Variants in SYNJ1 observed in about 807,000 individuals in gnomAD.
SYNJ1 encodes the protein synaptojanin 1, also known as polyphosphatidylinositol phosphatase SYNJ1.
A neutral mutation model predicts 168.2 loss-of-function variants in SYNJ1; 78 were observed. The observed-to-expected ratio is 0.46, with a 90% confidence interval of 0.39 to 0.56. SYNJ1 has a LOEUF of 0.56. Ranked by LOEUF, SYNJ1 falls within the 20% of genes least tolerant of loss-of-function variation. The pLI is 0.00. For missense variants in SYNJ1, 1,303 were observed against 1,597.6 expected (o/e 0.82, Z 3.14); for synonymous variants, 539 against 548.6 (o/e 0.98, Z 0.24).
rs1282955984 is a variant in SYNJ1, at chr21:32,664,959, G to A, written c.2258C>T (p.Ser753Phe). 1 of 1,613,326 alleles carries A rather than the reference G, an allele frequency of 6.2e-7. No individual in the cohort carries two copies. The highest frequency in any genetic ancestry group is 8.5e-7 in the Non-Finnish European group (1 of 1,179,554). ...GATAAGTTGATCTCCTGCTATAAGAGAATCCCAATTTTGCTGTCTTATGAG... is the reference window on the plus strand; with the variant it reads ...GATAAGTTGATCTCCTGCTATAAGAAAATCCCAATTTTGCTGTCTTATGAG... ...KELIRQQNWD[S>F]LIAGDQLINQ... Residue 753 changes from serine (S) to phenylalanine (F), a missense_variant, in exon 18 of 33, where the codon TCT (serine) becomes TTT (phenylalanine). Ser to Phe is a radical substitution (Grantham distance 155). Coordinates refer to ENST00000674351, the MANE Select transcript of SYNJ1 (RefSeq NM_203446.3).
rs576755016 is a variant in SYNJ1 at position 32,710,132 on chromosome 21, T to C, written c.125-8085A>G. Among the ~76,000 whole-genome samples the C allele has an allele frequency of 2.6e-4, 40 of 151,948 alleles. 1 individual carries two copies. In the South Asian group the frequency reaches 8.3e-3, roughly 32 times the overall value. ...GCATAAAAGCTCGAACCCAGGAGGT[T>C]GAGGTTGCAGTGAGCCGAGATTACA... On this transcript the variant is annotated intron_variant, in intron 2 of 32. Coordinates refer to ENST00000674351, the MANE Select transcript of SYNJ1 (RefSeq NM_203446.3).
intron 2 of SYNJ1, among the ~76,000 whole-genome samples, chr21:32,720,552 T>TG (rs2043184318): frequency 6.6e-6 from 1 of 152,204 alleles, no homozygotes; most frequent in Non-Finnish European, 1.5e-5. Context: ...AAGGACAACT[T>TG]GGAGGAAAAC....
intron 2 of SYNJ1, among the ~76,000 whole-genome samples, chr21:32,715,090 A>G (rs974777813): frequency 2.0e-5 from 3 of 152,268 alleles, no homozygotes; most frequent in Non-Finnish European, 4.4e-5. Flanking sequence ...ATATATTCCC[A>G]ATGCTAACCA....
At chr21:32,663,714 G>T (rs565471190) in intron 18 of SYNJ1, among the ~76,000 whole-genome samples, 12 of 152,180 alleles carry the variant, frequency 7.9e-5, no homozygotes, top group African/African-American at 2.9e-4. Flanking sequence ...AAGATGGCTC[G>T]TGGGGATACT....
intron 7 of SYNJ1, among the ~76,000 whole-genome samples, chr21:32,687,897 T>C (rs2041887012): frequency 1.3e-5 from 2 of 152,120 alleles, no homozygotes; most frequent in African/African-American, 2.4e-5. Context: ...TATGTGAGGG[T>C]AGAACCAATA....
intron 2 of SYNJ1, among the ~76,000 whole-genome samples, chr21:32,722,412 T>A (rs1201185269): frequency 1.3e-5 from 2 of 151,834 alleles, no homozygotes; most frequent in Non-Finnish European, 2.9e-5. Flanking sequence ...TAGCTGGGCA[T>A]GTTGGTGTGC....
At chr21:32,636,072 G>A (rs914847914) in intron 31 of SYNJ1, among the ~76,000 whole-genome samples, 9 of 152,170 alleles carry the variant, frequency 5.9e-5, no homozygotes. Context: ...AGAGTTTTAT[G>A]TATCAGCTCT....
chr21:32,657,978 A>G (rs1408191702), intron 18 of SYNJ1, 106 bp from the exon 19 acceptor site: 1 of 849,478 alleles, frequency 1.2e-6, no homozygotes, highest in Non-Finnish European at 1.8e-6. Flanking sequence ...ATGCTCTCAG[A>G]AGAAATCTGT....
chr21:32,664,219 C>T (rs184494061), intron 18 of SYNJ1, among the ~76,000 whole-genome samples: 4 of 152,302 alleles, frequency 2.6e-5, no homozygotes, highest in South Asian at 2.1e-4. Context: ...ATATGAATCA[C>T]TATCAATCTG....
At chr21:32,693,388 T>C (rs1220828019) in intron 6 of SYNJ1, among the ~76,000 whole-genome samples, 1 of 152,230 alleles carries the variant, frequency 6.6e-6, no homozygotes, top group Non-Finnish European at 1.5e-5. Context: ...AGTAGAAGTG[T>C]TAATCCTTGT....
intron 13 of SYNJ1, 23 bp downstream of exon 13, chr21:32,676,309 T>C (rs1276437793): frequency 1.3e-6 from 2 of 1,548,438 alleles, no homozygotes; most frequent in Non-Finnish European, 1.7e-6. Flanking sequence ...CTTTTATTTA[T>C]AGATTGATTT....
chr21:32,714,603 T>C (rs2146329255), intron 2 of SYNJ1, among the ~76,000 whole-genome samples: 1 of 152,218 alleles, frequency 6.6e-6, no homozygotes, highest in African/African-American at 2.4e-5. Context: ...CTTAAGTTGT[T>C]TGAAACAACT....
At chr21:32,707,494 C>A (rs1225278362) in intron 2 of SYNJ1, among the ~76,000 whole-genome samples, 1 of 151,790 alleles carries the variant, frequency 6.6e-6, no homozygotes, top group Non-Finnish European at 1.5e-5. Context: ...TGCCACCATA[C>A]CTGGTTAATT....
chr21:32,647,109 TCTC>T (rs2145787820), intron 23 of SYNJ1, among the ~76,000 whole-genome samples: 1 of 152,250 alleles, frequency 6.6e-6, no homozygotes, highest in South Asian at 2.1e-4. Flanking sequence ...TCCCCCAGGG[TCTC>T]CTCATCTCCA....
rs972993429 is a variant in SYNJ1 at position 32,683,916 on chromosome 21, A to G, written c.1200+122T>C. 3.8e-6 allele frequency: 3 copies of G among 783,072 alleles called. No homozygotes were observed. In the East Asian group the frequency reaches 8.1e-5, roughly 21 times the overall value. 48.5% of individuals were successfully genotyped at this position (783,072 alleles called of 1,614,324 possible). A position where few individuals can be genotyped will look rare whatever the true frequency, so the allele number is the denominator to read the frequency against. ...GCCAAAAAAAGAGACAGAGATTAGA[A>G]GTACAAAATGAAGCATAACATTACA... On this transcript the variant is annotated intron_variant, in intron 10 of 32. Transcript: ENST00000674351.
intron 4 of SYNJ1, among the ~76,000 whole-genome samples, chr21:32,699,016 GT>G (rs1469807562): frequency 7.4e-6 from 1 of 134,272 alleles, no homozygotes; most frequent in African/African-American, 2.8e-5. Context: ...GAGCACAGGG[GT>G]TTTATGTCAC....
At chr21:32,692,260 AGTG>A (rs1372075118) in intron 6 of SYNJ1, among the ~76,000 whole-genome samples, 1 of 152,138 alleles carries the variant, frequency 6.6e-6, no homozygotes, top group African/African-American at 2.4e-5. Context: ...CTTGACTTTG[AGTG>A]GTAGAGAACT....
At chr21:32,701,398 T>C (rs1221680666) in intron 3 of SYNJ1, among the ~76,000 whole-genome samples, 1 of 152,174 alleles carries the variant, frequency 6.6e-6, no homozygotes, top group Admixed American at 6.5e-5. Context: ...ATTTGTATCA[T>C]AGTGCAAGCT....
At chr21:32,646,833 C>T (rs1456233256) in intron 23 of SYNJ1, among the ~76,000 whole-genome samples, 2 of 152,074 alleles carry the variant, frequency 1.3e-5, no homozygotes, top group Non-Finnish European at 2.9e-5. Flanking sequence ...TGTCAGGTGA[C>T]CAACCACTTG....
Sources: allele counts gnomAD v4.1 joint callset (sites outside exome capture counted in the v4.1 genomes callset), GRCh38; gene constraint gnomAD v4.1.1; transcripts MANE v1.5; gene names NCBI Gene and HGNC (gene_info 2026-07-23, HGNC 2026-07-21).